Variants in TENT2 observed in about 807,000 individuals in gnomAD.
TENT2 encodes the protein terminal nucleotidyltransferase 2, also known as poly(A) RNA polymerase GLD2.
Under a neutral mutation model 72.2 loss-of-function variants are expected in TENT2, and 44 were observed. The ratio of observed to expected loss-of-function variants is 0.61; its 90% confidence interval spans 0.48 to 0.78. The LOEUF is 0.78. Among genes scored for constraint, TENT2 ranks in the 30% least tolerant of loss-of-function variants. The pLI, the probability that TENT2 is intolerant of heterozygous loss-of-function variation, is 0.00. For missense variants in TENT2, 541 were observed against 569.6 expected (o/e 0.95, Z 0.51); for synonymous variants, 212 against 192.5 (o/e 1.10, Z -0.84).
At chr5:79,659,597 A>ATAATG (rs1426249863) in intron 11 of TENT2, among the ~76,000 whole-genome samples, 1 of 93,260 alleles carries the variant, frequency 1.1e-5, no homozygotes, top group Admixed American at 1.2e-4. Context: ...TATATATAAT[A>ATAATG]GCCATCGTTT....
At chr5:79,655,056 CTG>C (rs1477796351) in intron 10 of TENT2, among the ~76,000 whole-genome samples, 1 of 152,134 alleles carries the variant, frequency 6.6e-6, no homozygotes, top group Non-Finnish European at 1.5e-5. Context: ...ATTTAAAAGA[CTG>C]AACCTGTAGT....
intron 3 of TENT2, among the ~76,000 whole-genome samples, chr5:79,621,596 A>G (rs1404349258): frequency 6.6e-6 from 1 of 151,752 alleles, no homozygotes; most frequent in East Asian, 1.9e-4. Context: ...ATCTCTACTA[A>G]AAATACAAAA....
chr5:79,656,942 C>G lies in TENT2; in HGVS notation c.1028-16C>G. ...TCACGTGAATCACGGAAGCTTTAAA[C>G]TTTTTCTTTTTATAGCCCTACCTGA... On this transcript the variant is annotated splice_polypyrimidine_tract_variant and intron_variant, in intron 10 of 14. Transcript: ENST00000453514. The G allele has an allele frequency of 1.9e-6, 3 of 1,593,402 alleles. No homozygotes were observed. Among genetic ancestry groups the G allele is most frequent in the Non-Finnish European group, 2.6e-6 (3 of 1,168,048 alleles).
At chr5:79,636,632 AAAT>A (rs1182684940) in intron 4 of TENT2, among the ~76,000 whole-genome samples, 1 of 152,186 alleles carries the variant, frequency 6.6e-6, no homozygotes, top group Non-Finnish European at 1.5e-5. Flanking sequence ...CTTGTGAAAC[AAAT>A]ATCAGATGGG....
intron 4 of TENT2, among the ~76,000 whole-genome samples, chr5:79,625,001 C>T (rs1014690646): frequency 6.6e-5 from 10 of 152,320 alleles, no homozygotes; most frequent in African/African-American, 2.4e-4. Context: ...CACCATTTTG[C>T]ATCCTATCAA....
chr5:79,648,562 A>G, intron 8 of TENT2, 55 bp from the exon 9 acceptor site: 1 of 1,232,398 alleles, frequency 8.1e-7, no homozygotes, highest in South Asian at 1.4e-5. Context: ...TTAGGAAGGA[A>G]GTTTTTTTGT....
At chr5:79,644,632 A>G (rs568788195) in intron 7 of TENT2, 1 of 152,278 alleles carries the variant, frequency 6.6e-6, no homozygotes, top group Non-Finnish European at 1.5e-5. Flanking sequence ...GTGTTCACTA[A>G]GCTGATCTGA....
rs565991781 is a variant in TENT2, at chr5:79,638,173, A to G, written c.466-2678A>G. On this transcript the variant is annotated intron_variant, in intron 4 of 14. Transcript: ENST00000453514. ...CTTTTTTCCTTTCCCACTTTTATCTAGAGTAGAATTTTTTACCCTCTGTAC... is the reference window on the plus strand; with the variant it reads ...CTTTTTTCCTTTCCCACTTTTATCTGGAGTAGAATTTTTTACCCTCTGTAC... 3.3e-5 allele frequency among the ~76,000 whole-genome samples: 5 copies of G among 151,962 alleles called. No homozygotes were observed. In the South Asian group the frequency reaches 6.2e-4, roughly 19 times the overall value.
Position 79,685,606 on chromosome 5 carries a change from T to G in TENT2, c.*333T>G, listed in dbSNP as rs574659675. On this transcript the variant is annotated 3_prime_UTR_variant, in exon 15 of 15. Transcript: ENST00000453514. The stretch of plus-strand genomic sequence containing the variant: ...AATTAATTGTACCACATGCTAATCC[T>G]GAAGAGATGTGTAGAATTTTGGAAA... 9 of 185,036 alleles carry G rather than the reference T, an allele frequency of 4.9e-5. No homozygotes were observed. The South Asian group carries it at 1.1e-3, about 23-fold the overall frequency. 11.5% of individuals were successfully genotyped at this position (185,036 alleles called of 1,614,324 possible).
intron 14 of TENT2, among the ~76,000 whole-genome samples, chr5:79,683,473 G>T (rs963662492): frequency 6.6e-6 from 1 of 152,010 alleles, no homozygotes; most frequent in Admixed American, 6.6e-5. Context: ...TTGTGCCACC[G>T]CACTCCAGCC....
intron 1 of TENT2, among the ~76,000 whole-genome samples, chr5:79,616,776 A>G (rs775876919): frequency 6.4e-4 from 98 of 152,182 alleles, no homozygotes; most frequent in Non-Finnish European, 1.3e-3. Context: ...CTGCTAAAGA[A>G]AGTTGACAGA....
intron 11 of TENT2, among the ~76,000 whole-genome samples, chr5:79,658,726 A>G (rs1458950849): frequency 6.6e-6 from 1 of 152,200 alleles, no homozygotes. Flanking sequence ...CCTATGCTAC[A>G]TGAAGCTCTT....
At chr5:79,675,502 A>C (rs1269001630) in intron 12 of TENT2, among the ~76,000 whole-genome samples, 1 of 152,224 alleles carries the variant, frequency 6.6e-6, no homozygotes, top group Non-Finnish European at 1.5e-5. Context: ...ATGGAAAGAC[A>C]GTACGGTTGG....
In TENT2 at chr5:79,612,573, G is replaced by C. The variant is rs955136597; in HGVS notation, c.-540G>C. On this transcript the variant is annotated 5_prime_UTR_variant, in exon 1 of 15. Coordinates refer to ENST00000453514, the MANE Select transcript of TENT2 (RefSeq NM_001114394.3). ...ATCCTTGCAGCCCCTACCTTTTCTT[G>C]TGTTGCTCCTCCCCTGGCAGCCGTG... is the stretch of plus-strand genomic sequence containing the variant. The C allele has an allele frequency of 2.0e-5, 3 of 152,972 alleles. No individual in the cohort carries two copies. The highest frequency in any genetic ancestry group is 7.2e-5 in the African/African-American group (3 of 41,420). The allele number at this position is 152,972 out of a possible 1,614,324, so 9.5% of individuals were successfully genotyped here.
intron 11 of TENT2, among the ~76,000 whole-genome samples, chr5:79,664,991 T>TA (rs1325782477): frequency 6.6e-6 from 1 of 152,216 alleles, no homozygotes; most frequent in Non-Finnish European, 1.5e-5. Context: ...GTTATATACT[T>TA]ACCTTGATCT....
At chr5:79,655,651 G>A (rs6875026) in intron 10 of TENT2, among the ~76,000 whole-genome samples, 30,720 of 151,598 alleles carry the variant, frequency 0.2, 4,571 homozygotes, top group African/African-American at 0.42. Flanking sequence ...TTACTTGGCA[G>A]GTCTTCTAGA....
rs768263040 is a variant in TENT2, at chr5:79,619,755, T to C, written c.107T>C (p.Ile36Thr). 24 of 1,613,496 alleles carry C rather than the reference T, an allele frequency of 1.5e-5. No homozygotes were observed. The Admixed American group carries it at 4.0e-4, about 27-fold the overall frequency. Residue 36 changes from isoleucine (I) to threonine (T), a missense_variant, in exon 2 of 15, where the codon ATA becomes ACA. Coordinates refer to ENST00000453514, the MANE Select transcript of TENT2 (RefSeq NM_001114394.3). ...ACTGTTTATTCACACCAGCAGCTTA[T>C]AGATGCACAATTCAACTTTCAGAAT... is the stretch of plus-strand genomic sequence containing the variant. ...SPTVYSHQQL[I>T]DAQFNFQNAD...
chr5:79,644,809 G>A (rs972323595), intron 7 of TENT2: 1 of 213,238 alleles, frequency 4.7e-6, no homozygotes, highest in Non-Finnish European at 9.2e-6. Flanking sequence ...ACTGTGTGCT[G>A]TACCAAAATT....
chr5:79,646,284 G>A (rs1341267458), intron 8 of TENT2, among the ~76,000 whole-genome samples: 4 of 152,088 alleles, frequency 2.6e-5, no homozygotes, highest in Admixed American at 6.6e-5. Context: ...TGAGTCCACT[G>A]TTAATGAATC....
Sources: allele counts gnomAD v4.1 joint callset (sites outside exome capture counted in the v4.1 genomes callset), GRCh38; gene constraint gnomAD v4.1.1; transcripts MANE v1.5; gene names NCBI Gene and HGNC (gene_info 2026-07-23, HGNC 2026-07-21).